STARD3: variants seen among roughly 807,000 people sequenced by gnomAD.
The protein encoded by STARD3 is StAR related lipid transfer domain containing 3, also known as stAR-related lipid transfer protein 3.
In STARD3, 39 loss-of-function variants were observed where a neutral mutation model predicts 62.0. That is an observed-to-expected ratio of 0.63 (90% CI 0.49 to 0.82). STARD3 has a LOEUF of 0.82. STARD3 is among the 40% of genes least tolerant of loss of function. The pLI, the probability that STARD3 is intolerant of heterozygous loss-of-function variation, is 0.00. For missense variants in STARD3, 543 were observed against 584.5 expected, an observed-to-expected ratio of 0.93 and a Z score of 0.73; for synonymous variants, 229 against 242.4, an observed-to-expected ratio of 0.94 and a Z score of 0.51.
intron 14 of STARD3, 127 bp from the exon 15 acceptor site, chr17:39,662,677 C>T (rs540091977): frequency 9.3e-5 from 84 of 903,248 alleles, no homozygotes; most frequent in Admixed American, 4.2e-4. Flanking sequence ...TGGGAGAGGG[C>T]GACCCAGGCT....
At chr17:39,645,935 AGACTG>A (rs1181435130) in intron 1 of STARD3, among the ~76,000 whole-genome samples, 2 of 114,992 alleles carry the variant, frequency 1.7e-5, no homozygotes, top group African/African-American at 6.9e-5. Context: ...TCTGTCACCC[AGACTG>A]GAATGCAGTG....
chr17:39,658,359 G>A, intron 5 of STARD3, 46 bp from the exon 6 acceptor site: 1 of 1,574,432 alleles, frequency 6.4e-7, no homozygotes, highest in Non-Finnish European at 8.7e-7. Flanking sequence ...GGGGCTCTGG[G>A]TTTGGGGTGA....
rs562962022 is a variant in STARD3 at position 39,662,336 on chromosome 17, G to A, written c.1225G>A (p.Asp409Asn). 6.2e-7 allele frequency: 1 copy of A among 1,613,916 alleles called. No individual in the cohort carries two copies. Among genetic ancestry groups the A allele is most frequent in the South Asian group, 1.1e-5 (1 of 91,002 alleles). The change falls in exon 14 of 15, where the codon GAT becomes AAT. Residue 409 changes from aspartate (D) to asparagine (N), a missense_variant. Coordinates refer to ENST00000336308, the MANE Select transcript of STARD3 (RefSeq NM_006804.4). ...CACCTTTGTCTGGATTCTTAATACA[G>A]ATCTCAAGGTGGGGTGCTGGGGGGC... ...VCTFVWILNTDLKGRLPRYLI... is the reference protein window; with the variant it reads ...VCTFVWILNTNLKGRLPRYLI...
chr17:39,654,754 C>T (rs73294095), intron 2 of STARD3, among the ~76,000 whole-genome samples: 1 of 152,236 alleles, frequency 6.6e-6, no homozygotes. Context: ...CCCCATCAGA[C>T]TTCCGGATGG....
At chr17:39,640,741 C>T (rs895487420) in intron 1 of STARD3, among the ~76,000 whole-genome samples, 11 of 152,186 alleles carry the variant, frequency 7.2e-5, no homozygotes, top group African/African-American at 1.9e-4. Context: ...GGGCCTGGCA[C>T]AAGGGGGAAG....
At chr17:39,655,389 G>GC (rs954139013) in intron 2 of STARD3, among the ~76,000 whole-genome samples, 76 of 150,226 alleles carry the variant, frequency 5.1e-4, no homozygotes, top group African/African-American at 1.8e-3. Context: ...TCACTATGTT[G>GC]CCCAGGCTGG....
Position 39,645,881 on chromosome 17 carries a change from C to CTTTTTTTT in STARD3, c.-51-7579_-51-7572dup, listed in dbSNP as rs71147368. On this transcript the variant is annotated intron_variant, in intron 1 of 14. Transcript: ENST00000336308. ...ATCCCTGTGACATAGGGATTCTTGC[C>CTTTTTTTT]TTTTTTTTTTTTTTTTTTTTTTTTT... Among the ~76,000 whole-genome samples, 15 of 55,666 alleles carry CTTTTTTTT rather than the reference C, an allele frequency of 2.7e-4. 1 individual carries two copies. The highest frequency in any genetic ancestry group is 1.2e-3 in the African/African-American group (13 of 11,220). 36.5% of individuals were successfully genotyped at this position (55,666 alleles called of 152,430 possible). A position where few individuals can be genotyped will look rare whatever the true frequency, so the allele number is the denominator to read the frequency against.
chr17:39,655,007 A>G (rs1222438894), intron 2 of STARD3, among the ~76,000 whole-genome samples: 3 of 152,166 alleles, frequency 2.0e-5, no homozygotes, highest in Admixed American at 6.5e-5. Flanking sequence ...CATCTTACCC[A>G]TGAAAAAGCT....
Position 39,660,906 on chromosome 17 carries a change from C to T in STARD3, c.1034+17C>T. 1 of 1,605,306 alleles carries T rather than the reference C, an allele frequency of 6.2e-7. No individual in the cohort carries two copies. Among genetic ancestry groups the T allele is most frequent in the Non-Finnish European group, 8.5e-7 (1 of 1,173,760 alleles). On this transcript the variant is annotated intron_variant, in intron 12 of 14. Transcript: ENST00000336308. The surrounding 1 kb of genome is among the most constrained non-coding windows in gnomAD (Gnocchi z 4.8). ...CTCCCCAAGGTGAGTCCATGCCGGG[C>T]CCCCTCCTTTCAGCCAGGTCTTCTG...
At chr17:39,641,938 G>A (rs1053356726) in intron 1 of STARD3, among the ~76,000 whole-genome samples, 1 of 152,222 alleles carries the variant, frequency 6.6e-6, no homozygotes. Flanking sequence ...GGGACAGATG[G>A]CCTCGAGACA....
intron 3 of STARD3, 60 bp downstream of exon 3, chr17:39,657,145 T>G: frequency 6.6e-7 from 1 of 1,507,712 alleles, no homozygotes. Flanking sequence ...GGGAAATGAC[T>G]TCTGCTGGGT....
intron 1 of STARD3, among the ~76,000 whole-genome samples, chr17:39,640,357 G>A (rs1232958115): frequency 2.0e-5 from 3 of 152,110 alleles, no homozygotes; most frequent in Non-Finnish European, 4.4e-5. Context: ...AAACTGCCTT[G>A]GGGTCCCAGC....
At chr17:39,653,260 G>A in intron 1 of STARD3, 1 of 541,532 alleles carries the variant, frequency 1.8e-6, no homozygotes, top group South Asian at 2.1e-5. Context: ...GCTGGGCTTG[G>A]GGCAGGGAGC....
At chr17:39,643,811 C>G (rs528572370) in intron 1 of STARD3, among the ~76,000 whole-genome samples, 9 of 152,368 alleles carry the variant, frequency 5.9e-5, no homozygotes, top group Admixed American at 3.3e-4. Flanking sequence ...CCAGCTAACC[C>G]TCATGCAGCC....
chr17:39,661,054 A>G lies in STARD3; in HGVS notation c.1108A>G (p.Ser370Gly), dbSNP rs370707047. The G allele has an allele frequency of 1.1e-5, 18 of 1,613,550 alleles. No individual in the cohort carries two copies. The highest frequency in any genetic ancestry group is 1.5e-5 in the Non-Finnish European group (18 of 1,180,012). ...YLSSGIATSH[S>G]AKPPTHKYVR... ...GTCATCAGGGATCGCCACCTCACACAGTGCCAAGCCCCCGACGCACAAATA... is the reference window on the plus strand; with the variant it reads ...GTCATCAGGGATCGCCACCTCACACGGTGCCAAGCCCCCGACGCACAAATA... The change falls in exon 13 of 15, where the codon AGT becomes GGT. Residue 370 changes from serine (S) to glycine (G), a missense_variant. Physicochemically the swap from Ser to Gly is moderately conservative, Grantham distance 56. Coordinates refer to ENST00000336308, the MANE Select transcript of STARD3 (RefSeq NM_006804.4).
chr17:39,655,838 G>T (rs1390078919), intron 2 of STARD3, among the ~76,000 whole-genome samples: 1 of 152,030 alleles, frequency 6.6e-6, no homozygotes, highest in African/African-American at 2.4e-5. Flanking sequence ...GGCAAAGCAG[G>T]GGCTGAGACT....
chr17:39,659,232 G>A (rs2057167397), intron 8 of STARD3, 126 bp downstream of exon 8: 15 of 1,257,024 alleles, frequency 1.2e-5, no homozygotes, highest in African/African-American at 4.4e-5. Flanking sequence ...ATGCCCATCC[G>A]AGTGTCTCCC....
rs1391516177 is a variant in STARD3 at position 39,637,238 on chromosome 17, C to G, written c.-52+7C>G. On this transcript the variant is annotated splice_region_variant and intron_variant, in intron 1 of 14. Transcript: ENST00000336308. Reference sequence around the variant, plus strand: ...CGTGGCTGACATGGAGCAGGTGGGTCCCGGAGCGGTCGCTGGGAGCGGGTG... The same window carrying G: ...CGTGGCTGACATGGAGCAGGTGGGTGCCGGAGCGGTCGCTGGGAGCGGGTG... 6.6e-6 allele frequency: 1 copy of G among 152,466 alleles called. No homozygotes were observed. The highest frequency in any genetic ancestry group is 2.1e-4 in the South Asian group (1 of 4,832). The allele number at this position is 152,466 out of a possible 1,614,324, so 9.4% of individuals were successfully genotyped here. A position where few individuals can be genotyped will look rare whatever the true frequency, so the allele number is the denominator to read the frequency against.
At chr17:39,644,132 G>A (rs1318584183) in intron 1 of STARD3, among the ~76,000 whole-genome samples, 2 of 152,144 alleles carry the variant, frequency 1.3e-5, no homozygotes, top group African/African-American at 4.8e-5. Context: ...ATGTGTGGAG[G>A]ACCTGTGTCT....
Sources: gnomAD v4.1 joint callset for allele counts (sites outside exome capture counted in the v4.1 genomes callset) on GRCh38, gnomAD v4.1.1 for gene constraint, Gnocchi (gnomAD v3.1) non-coding constraint, MANE v1.5 for transcripts, NCBI Gene and HGNC (gene_info 2026-07-23, HGNC 2026-07-21) for gene names.